The following CFAP46 variants were observed in gnomAD, a reference collection of about 807,000 sequenced individuals.
CFAP46 encodes cilia and flagella associated protein 46.
Under a neutral mutation model 325.7 loss-of-function variants are expected in CFAP46, and 245 were observed. The ratio of observed to expected loss-of-function variants is 0.75; its 90% CI spans 0.68 to 0.84. CFAP46 has a LOEUF of 0.84. Among genes scored for constraint, CFAP46 ranks in the 40% least tolerant of loss-of-function variants. CFAP46 has a pLI of 0.00. For missense variants in CFAP46, 3,346 were observed against 3,543.0 expected (o/e 0.94, Z 1.41); for synonymous variants, 1,523 against 1,495.9 (o/e 1.02, Z -0.42).
At position 132,879,416 on chromosome 10, in the gene CFAP46, T is replaced by C; in HGVS notation, c.4005+10A>G. The C allele has an allele frequency of 3.3e-6, 5 of 1,495,940 alleles. No individual in the cohort carries two copies. The highest frequency in any genetic ancestry group is 4.5e-6 in the Non-Finnish European group (5 of 1,118,474). 92.7% of individuals were successfully genotyped at this position (1,495,940 alleles called of 1,614,324 possible). A position where few individuals can be genotyped will look rare whatever the true frequency, so the allele number is the denominator to read the frequency against. On this transcript the variant is annotated intron_variant, in intron 29 of 57. Coordinates refer to ENST00000368586, the MANE Select transcript of CFAP46 (RefSeq NM_001200049.3). ...GCTGCAGGAGCAGGGGAGTCTGCGC[T>C]GGGCCTCACCTGCCAGATGTGCCTG...
In CFAP46 at chr10:132,925,631, C is replaced by G. The variant is rs564939249; in HGVS notation, c.1066-745G>C. Among the ~76,000 whole-genome samples, 13 of 152,388 alleles carry G rather than the reference C, an allele frequency of 8.5e-5. No homozygotes were observed. In the East Asian group the frequency reaches 2.5e-3, roughly 29 times the overall value. On this transcript the variant is annotated intron_variant, in intron 10 of 57. Coordinates refer to ENST00000368586, the MANE Select transcript of CFAP46 (RefSeq NM_001200049.3). The stretch of plus-strand genomic sequence containing the variant: ...ATTCCTTAAACGAACACTCATTAAG[C>G]GCCTACCACGTGTGGCACCAGCGCA...
rs765119403 is a variant in CFAP46 at position 132,869,309 on chromosome 10, G to T, written c.4575C>A (p.Val1525=). ...REAAARHEEA[V]GQVCVSELEQ... The stretch of plus-strand genomic sequence containing the variant: ...CCAGCTCGCTGACGCACACCTGCCC[G>T]ACCGCCTCTTCATGGCGCGCGGCTG... Residue 1525 remains valine, a synonymous_variant, in exon 33 of 58, where the codon GTC becomes GTA. Coordinates refer to ENST00000368586, the MANE Select transcript of CFAP46 (RefSeq NM_001200049.3). The surrounding 1 kb of genome is among the most constrained non-coding windows in gnomAD (Gnocchi z 6.2). 6 of 1,539,020 alleles carry T rather than the reference G, an allele frequency of 3.9e-6. No homozygotes were observed. The highest frequency in any genetic ancestry group is 3.9e-5 in the Admixed American group (2 of 50,806).
chr10:132,915,760 A>G (rs937259542), intron 17 of CFAP46, among the ~76,000 whole-genome samples: 54 of 152,236 alleles, frequency 3.5e-4, no homozygotes, highest in Non-Finnish European at 5.9e-5. Context: ...GCGAGCGACT[A>G]TAGTTTACAG....
At position 132,938,753 on chromosome 10, in the gene CFAP46, C is replaced by T. The variant is rs770890143; in HGVS notation, c.372G>A (p.Arg124=). The change falls in exon 5 of 58, where the codon AGG becomes AGA. Residue 124 remains arginine (R), a splice_region_variant and synonymous_variant. Coordinates refer to ENST00000368586, the MANE Select transcript of CFAP46 (RefSeq NM_001200049.3). The part of the protein sequence containing the change: ...KAINFAKGEP[R]YYFLVYNASV... ...ATGCATTGTACACCAAAAAGTAGTA[C>T]CTGCGGCGCGAGCAGAGGAAGCAGA... The T allele has an allele frequency of 5.0e-6, 8 of 1,610,868 alleles. No individual in the cohort carries two copies. Among genetic ancestry groups the T allele is most frequent in the East Asian group, 2.2e-5 (1 of 44,818 alleles).
chr10:132,917,391 G>C (rs1327576892), intron 16 of CFAP46, among the ~76,000 whole-genome samples: 2 of 152,254 alleles, frequency 1.3e-5, no homozygotes, highest in African/African-American at 4.8e-5. Flanking sequence ...CGGACCCGAG[G>C]TCCCAGGGCT....
intron 24 of CFAP46, among the ~76,000 whole-genome samples, chr10:132,894,593 A>T (rs1849297209): frequency 6.6e-6 from 1 of 152,184 alleles, no homozygotes; most frequent in Non-Finnish European, 1.5e-5. Context: ...ACAAAAAAAA[A>T]AGAAAGACTA....
chr10:132,845,106 T>C (rs1284864198), intron 44 of CFAP46, among the ~76,000 whole-genome samples: 1 of 152,224 alleles, frequency 6.6e-6, no homozygotes, highest in East Asian at 1.9e-4. Context: ...CCGCTTGCCA[T>C]GCACACCCTC....
At position 132,881,027 on chromosome 10, in the gene CFAP46, A is replaced by G; in HGVS notation, c.3633T>C (p.Pro1211=). 2.6e-6 allele frequency: 4 copies of G among 1,548,760 alleles called. No individual in the cohort carries two copies. The South Asian group carries it at 4.8e-5, about 18-fold the overall frequency. ...ACTCCACCTTCTGCCACTCCATCTCAGGCTTCTGTGGGATTGAACAGGAAG... is the reference window on the plus strand; with the variant it reads ...ACTCCACCTTCTGCCACTCCATCTCGGGCTTCTGTGGGATTGAACAGGAAG... ...YNNAIQALQK[P]EMEWQKVEYL... Residue 1211 remains proline (P), a synonymous_variant, in exon 28 of 58, where the codon CCT becomes CCC. Coordinates refer to ENST00000368586, the MANE Select transcript of CFAP46 (RefSeq NM_001200049.3).
At chr10:132,868,982 G>C (rs1481282508) in intron 33 of CFAP46, among the ~76,000 whole-genome samples, 1 of 152,206 alleles carries the variant, frequency 6.6e-6, no homozygotes, top group Non-Finnish European at 1.5e-5. Flanking sequence ...CCAGCACCCA[G>C]CGCCCAAGGG....
chr10:132,877,097 A>G lies in CFAP46; in HGVS notation c.4213-136T>C. 1 of 810,584 alleles carries G rather than the reference A, an allele frequency of 1.2e-6. No individual in the cohort carries two copies. The highest frequency in any genetic ancestry group is 1.9e-6 in the Non-Finnish European group (1 of 517,432). 50.2% of individuals were successfully genotyped at this position (810,584 alleles called of 1,614,324 possible). ...GGCATCCTCCCCACCACCAGGTCCC[A>G]GCGAGTGCCCAGATCCAGCCTCTGA... On this transcript the variant is annotated intron_variant, in intron 30 of 57. Coordinates refer to ENST00000368586, the MANE Select transcript of CFAP46 (RefSeq NM_001200049.3). This position sits in a 1 kb window ranked among gnomAD's most constrained non-coding sequence, Gnocchi z 5.7.
rs980903954 is a variant in CFAP46, at chr10:132,869,115, C to T, written c.4610+159G>A. On this transcript the variant is annotated intron_variant, in intron 33 of 57. Transcript: ENST00000368586. The surrounding 1 kb of genome is among the most constrained non-coding windows in gnomAD (Gnocchi z 6.2). ...ACCTCCCCACAACCCACCTCCAGCACGACCCAGGAGAACCGGCCACAGCCG... is the reference window on the plus strand; with the variant it reads ...ACCTCCCCACAACCCACCTCCAGCATGACCCAGGAGAACCGGCCACAGCCG... Among the ~76,000 whole-genome samples, 5 of 152,360 alleles carry T rather than the reference C, an allele frequency of 3.3e-5. No homozygotes were observed. The highest frequency in any genetic ancestry group is 2.1e-4 in the South Asian group (1 of 4,830).
At chr10:132,887,688 TC>T (rs1849176685) in intron 25 of CFAP46, among the ~76,000 whole-genome samples, 1 of 103,362 alleles carries the variant, frequency 9.7e-6, no homozygotes, top group Non-Finnish European at 2.1e-5. Flanking sequence ...TCCTCTCCTC[TC>T]TCTCTCCTCT....
intron 57 of CFAP46, among the ~76,000 whole-genome samples, chr10:132,809,728 T>A (rs1847540359): frequency 6.6e-6 from 1 of 152,032 alleles, no homozygotes. Flanking sequence ...CGCCTCACCG[T>A]GGCAGGAGGG....
chr10:132,837,218 A>G (rs1392034299), intron 44 of CFAP46: 1 of 406,162 alleles, frequency 2.5e-6, no homozygotes, highest in Non-Finnish European at 4.5e-6. Context: ...CCAAAATAAC[A>G]AATGGAAAAT....
rs543107541 is a variant in CFAP46 at position 132,861,020 on chromosome 10, A to G, written c.4891-38T>C. 9.0e-5 allele frequency: 139 copies of G among 1,540,410 alleles called. No individual in the cohort carries two copies. In the African/African-American group the frequency reaches 1.5e-3, roughly 16 times the overall value. The stretch of plus-strand genomic sequence containing the variant: ...AACTCAGACATGCTTGGGTTCCTCT[A>G]CAGATGTGTGCAGGCAGGGAGACAG... On this transcript the variant is annotated intron_variant, in intron 35 of 57. Coordinates refer to ENST00000368586, the MANE Select transcript of CFAP46 (RefSeq NM_001200049.3).
Position 132,828,501 on chromosome 10 carries a change from C to T in CFAP46, c.7117+4857G>A, listed in dbSNP as rs1349752779. On this transcript the variant is annotated intron_variant, in intron 50 of 57. Transcript: ENST00000368586. This position sits in a 1 kb window ranked among gnomAD's most constrained non-coding sequence, Gnocchi z 4.9. Reference sequence around the variant, plus strand: ...TTTGTTTGCTATCTAAATCTTTTCTCGTGAAGTATCTGTTCAAATCTTTTT... The same window carrying T: ...TTTGTTTGCTATCTAAATCTTTTCTTGTGAAGTATCTGTTCAAATCTTTTT... Among the ~76,000 whole-genome samples, 1 of 152,142 alleles carries T rather than the reference C, an allele frequency of 6.6e-6. No individual in the cohort carries two copies. Among genetic ancestry groups the T allele is most frequent in the African/African-American group, 2.4e-5 (1 of 41,408 alleles).
At chr10:132,904,417 C>T (rs1253833463) in intron 22 of CFAP46, among the ~76,000 whole-genome samples, 2 of 152,216 alleles carry the variant, frequency 1.3e-5, no homozygotes, top group African/African-American at 4.8e-5. Context: ...CGCAATGACA[C>T]CAAGGGCCAC....
chr10:132,823,715 G>A (rs377457076), intron 50 of CFAP46, among the ~76,000 whole-genome samples: 1,246 of 134,374 alleles, frequency 9.3e-3, no homozygotes, highest in South Asian at 0.029. Flanking sequence ...GTGTGCTGAC[G>A]TGTGCTGTGT....
intron 50 of CFAP46, among the ~76,000 whole-genome samples, chr10:132,825,348 C>T (rs924542783): frequency 3.9e-5 from 6 of 152,128 alleles, no homozygotes; most frequent in Admixed American, 1.3e-4. Flanking sequence ...GTGTCCACCG[C>T]GCTGTGGGCT....
Sources: gnomAD v4.1 joint callset for allele counts (sites outside exome capture counted in the v4.1 genomes callset) on GRCh38, gnomAD v4.1.1 for gene constraint, Gnocchi (gnomAD v3.1) non-coding constraint, MANE v1.5 for transcripts, NCBI Gene and HGNC (gene_info 2026-07-23, HGNC 2026-07-21) for gene names.